Variants in DGKH observed in about 807,000 individuals in gnomAD.
DGKH encodes the protein DAG kinase eta.
In DGKH, 90 loss-of-function variants were observed where a neutral mutation model predicts 159.3. That is an observed-to-expected ratio of 0.57 (90% CI 0.48 to 0.67). The LOEUF (loss-of-function observed/expected upper bound fraction) is 0.67, where lower values mean the gene tolerates loss of function less well. Ranked by LOEUF, DGKH falls within the 30% of genes least tolerant of loss-of-function variation. The probability of loss-of-function intolerance (pLI) is 0.00; values close to 1 mark genes in which losing one functional copy is unlikely to be tolerated. For missense variants in DGKH, 1,181 were observed against 1,506.1 expected (o/e 0.78, Z 3.57); for synonymous variants, 536 against 553.8 (o/e 0.97, Z 0.45).
intron 3 of DGKH, among the ~76,000 whole-genome samples, chr13:42,146,559 C>A (rs989608864): frequency 1.3e-5 from 2 of 152,146 alleles, no homozygotes; most frequent in Non-Finnish European, 2.9e-5. Context: ...ATATATCATG[C>A]AATGGAATGT....
Position 42,231,829 on chromosome 13 carries a change from T to C in DGKH, c.*2641T>C, listed in dbSNP as rs370144815. On this transcript the variant is annotated 3_prime_UTR_variant, in exon 30 of 30. Coordinates refer to ENST00000337343, the MANE Select transcript of DGKH (RefSeq NM_178009.5). Reference sequence around the variant, plus strand: ...TACAGTGCATTTCTGGCTAGCTCGGTTGGTAGAGCGTGAGTCTCTTAATGG... The same window carrying C: ...TACAGTGCATTTCTGGCTAGCTCGGCTGGTAGAGCGTGAGTCTCTTAATGG... 76 of 152,306 alleles carry C rather than the reference T, an allele frequency of 5.0e-4. No individual in the cohort carries two copies. Among genetic ancestry groups the C allele is most frequent in the African/African-American group, 1.8e-3 (76 of 41,566 alleles). 9.4% of individuals were successfully genotyped at this position (152,306 alleles called of 1,614,324 possible).
intron 3 of DGKH, among the ~76,000 whole-genome samples, chr13:42,145,455 G>A (rs1955700824): frequency 6.6e-6 from 1 of 152,142 alleles, no homozygotes; most frequent in Admixed American, 6.5e-5. Flanking sequence ...TGGAGGGTTG[G>A]CCAGCTGTCA....
intron 7 of DGKH, among the ~76,000 whole-genome samples, chr13:42,160,558 A>G (rs1956153806): frequency 6.6e-6 from 1 of 152,220 alleles, no homozygotes; most frequent in South Asian, 2.1e-4. Context: ...GCAGCCGAAC[A>G]TGAAGCCAAC....
intron 3 of DGKH, among the ~76,000 whole-genome samples, chr13:42,151,600 C>CAA (rs1955901197): frequency 7.7e-6 from 1 of 129,150 alleles, no homozygotes. Context: ...CACACACACA[C>CAA]ACACACACAC....
intron 7 of DGKH, among the ~76,000 whole-genome samples, chr13:42,162,830 C>CTT (rs34901359): frequency 7.4e-6 from 1 of 135,786 alleles, no homozygotes; most frequent in Non-Finnish European, 1.6e-5. Flanking sequence ...ACATGAGTTT[C>CTT]TTTTTTTTTT....
intron 12 of DGKH, among the ~76,000 whole-genome samples, chr13:42,176,162 C>T (rs1262061669): frequency 1.3e-5 from 2 of 152,052 alleles, no homozygotes; most frequent in African/African-American, 4.8e-5. Context: ...TTTTAATGGA[C>T]AAAAACTTGG....
intron 28 of DGKH, among the ~76,000 whole-genome samples, chr13:42,220,823 T>A (rs1387519732): frequency 2.0e-5 from 3 of 152,146 alleles, no homozygotes; most frequent in East Asian, 1.9e-4. Flanking sequence ...AGCAGAAAAG[T>A]CTGTGTAAAA....
intron 1 of DGKH, among the ~76,000 whole-genome samples, chr13:42,041,336 G>C (rs1023067208): frequency 6.6e-6 from 1 of 152,128 alleles, no homozygotes; most frequent in Non-Finnish European, 1.5e-5. Context: ...ACCTGGGCGC[G>C]CAGGTTCCCG....
At chr13:42,139,985 G>A (rs1955501350) in intron 3 of DGKH, among the ~76,000 whole-genome samples, 1 of 152,142 alleles carries the variant, frequency 6.6e-6, no homozygotes. Flanking sequence ...AGGAAGGAGG[G>A]GACGGAATTA....
At chr13:42,165,566 A>G (rs1956291440) in intron 8 of DGKH, 133 bp downstream of exon 8, 8 of 491,090 alleles carry the variant, frequency 1.6e-5, no homozygotes, top group Non-Finnish European at 2.1e-5. Flanking sequence ...TTCCATTTAA[A>G]TTGCTGAAAG....
chr13:42,254,504 G>T (rs975943152), intron 30 of DGKH, among the ~76,000 whole-genome samples: 1 of 151,936 alleles, frequency 6.6e-6, no homozygotes, highest in Non-Finnish European at 1.5e-5. Flanking sequence ...ATGGTGGCGG[G>T]TGCCTATAAT....
At chr13:42,127,226 G>A (rs1955188095) in intron 1 of DGKH, among the ~76,000 whole-genome samples, 2 of 152,184 alleles carry the variant, frequency 1.3e-5, no homozygotes, top group Admixed American at 1.3e-4. Context: ...GTATGTGCAT[G>A]TGTCTTGCCT....
intron 28 of DGKH, among the ~76,000 whole-genome samples, chr13:42,220,328 T>A (rs1957932958): frequency 6.6e-6 from 1 of 152,210 alleles, no homozygotes; most frequent in African/African-American, 2.4e-5. Context: ...AATGACAATA[T>A]GCTGTGATAC....
chr13:42,194,880 A>G lies in DGKH; in HGVS notation c.2036-5A>G. ...CTCTTTTTAATCTGGACTTTTTGCCAACAGTTAAAACTGCACCTCGGTCTC... is the reference window on the plus strand; with the variant it reads ...CTCTTTTTAATCTGGACTTTTTGCCGACAGTTAAAACTGCACCTCGGTCTC... On this transcript the variant is annotated splice_polypyrimidine_tract_variant and splice_region_variant and intron_variant, in intron 16 of 29. Transcript: ENST00000337343. 1 of 1,606,906 alleles carries G rather than the reference A, an allele frequency of 6.2e-7. No homozygotes were observed.
chr13:42,159,909 T>C, intron 6 of DGKH, 102 bp from the exon 7 acceptor site: 5 of 1,547,808 alleles, frequency 3.2e-6, no homozygotes, highest in Non-Finnish European at 4.4e-6. Flanking sequence ...GCATGAAACG[T>C]ACTACTGACC....
rs1482018866 is a variant in DGKH at position 42,187,159 on chromosome 13, A to G, written c.1638+11A>G. 1 of 1,606,980 alleles carries G rather than the reference A, an allele frequency of 6.2e-7. No homozygotes were observed. Among genetic ancestry groups the G allele is most frequent in the South Asian group, 1.1e-5 (1 of 90,870 alleles). ...GCCGTGGCCAGTAAAGTAAGAGGGG[A>G]CTCTTCAGGGCATGAGAGTTGTTTA... On this transcript the variant is annotated intron_variant, in intron 14 of 29. Transcript: ENST00000337343.
Position 42,207,114 on chromosome 13 carries a change from T to TTA in DGKH, c.2601+968_2601+969insTA, listed in dbSNP as rs1555276129. ...CTTTCTTTCTTTCTTTCTTTCTTTC[T>TTA]CTTTCTCTCTCCTTCCTTCCTTCCT... On this transcript the variant is annotated intron_variant, in intron 21 of 29. Coordinates refer to ENST00000337343, the MANE Select transcript of DGKH (RefSeq NM_178009.5). Among the ~76,000 whole-genome samples the TTA allele has an allele frequency of 1.2e-3, 118 of 99,200 alleles. 9 individuals are homozygous for TTA. The highest frequency in any genetic ancestry group is 2.1e-3 in the Non-Finnish European group (100 of 47,232). 65.1% of individuals were successfully genotyped at this position (99,200 alleles called of 152,430 possible).
In DGKH at chr13:42,198,563, C is replaced by G; in HGVS notation, c.2253C>G (p.Ala751=). The change falls in exon 18 of 30, where the codon GCC becomes GCG. Residue 751 remains alanine (A), a synonymous_variant. Coordinates refer to ENST00000337343, the MANE Select transcript of DGKH (RefSeq NM_178009.5). The stretch of plus-strand genomic sequence containing the variant: ...TGGCAAACATTGATCCTTTTGGTGC[C>G]ACGCCGTTTATTGACCCGGATCTAG... ...MLLANIDPFG[A]TPFIDPDLDS... 1.2e-6 allele frequency: 2 copies of G among 1,613,140 alleles called. No individual in the cohort carries two copies. Among genetic ancestry groups the G allele is most frequent in the South Asian group, 2.2e-5 (2 of 90,972 alleles).
At chr13:42,192,605 C>G (rs1465134325) in intron 16 of DGKH, among the ~76,000 whole-genome samples, 1 of 150,586 alleles carries the variant, frequency 6.6e-6, no homozygotes, top group African/African-American at 2.4e-5. Flanking sequence ...TCCTCTTCTT[C>G]TTCTTCTTCT....
Sources: gnomAD v4.1 joint callset for allele counts (sites outside exome capture counted in the v4.1 genomes callset) on GRCh38, gnomAD v4.1.1 for gene constraint, MANE v1.5 for transcripts, NCBI Gene and HGNC (gene_info 2026-07-23, HGNC 2026-07-21) for gene names.